The following NR3C1 variants were observed in gnomAD, a reference collection of about 807,000 sequenced individuals.
NR3C1 encodes nuclear receptor subfamily 3 group C member 1, also known as glucocorticoid receptor.
In NR3C1, 14 loss-of-function variants were observed where a neutral mutation model predicts 74.0. The observed-to-expected ratio is 0.19, with a 90% CI of 0.12 to 0.30. The LOEUF is 0.30. NR3C1 is among the 10% of genes least tolerant of loss of function. The pLI, the probability that NR3C1 is intolerant of heterozygous loss-of-function variation, is 1.00. For missense variants in NR3C1, 695 were observed against 909.8 expected, an observed-to-expected ratio of 0.76 and a Z score of 3.04; for synonymous variants, 308 against 332.5, an observed-to-expected ratio of 0.93 and a Z score of 0.80.
At chr5:143,290,511 AT>A (rs1285832449) in intron 7 of NR3C1, among the ~76,000 whole-genome samples, 1 of 152,226 alleles carries the variant, frequency 6.6e-6, no homozygotes, top group Non-Finnish European at 1.5e-5. Flanking sequence ...TTTAAATAGC[AT>A]AAATTTGGAT....
chr5:143,400,751 T>G lies in NR3C1; in HGVS notation c.89A>C (p.Tyr30Ser). 6.2e-7 allele frequency: 1 copy of G among 1,614,210 alleles called. No homozygotes were observed. The highest frequency in any genetic ancestry group is 1.1e-5 in the South Asian group (1 of 91,088). ...AQERGDVMDF[Y>S]KTLRGGATVK... ...AGTAGCTCCTCCTCTTAGGGTTTTA[T>G]AGAAGTCCATCACATCTCCCCTCTC... The change falls in exon 2 of 9, where the codon TAT (tyrosine) becomes TCT (serine). Residue 30 changes from tyrosine to serine, a missense_variant. This residue lies in a region of NR3C1 where 497 missense variants were observed against 489.5 expected (regional missense o/e 1.02). Transcript: ENST00000394464.
At chr5:143,283,449 A>ATTCTGC in intron 7 of NR3C1, among the ~76,000 whole-genome samples, 1 of 152,338 alleles carries the variant, frequency 6.6e-6, no homozygotes, top group East Asian at 1.9e-4. Flanking sequence ...ATTTTTAGTT[A>ATTCTGC]ACTTTGTCTG....
Position 143,278,966 on chromosome 5 carries a change from C to T in NR3C1, c.*2923G>A, listed in dbSNP as rs537440931. The stretch of plus-strand genomic sequence containing the variant: ...TATATATACCCCAAAAGTGTTATGT[C>T]CTAAGTGCCTCAGTTCTGCTTGTAT... On this transcript the variant is annotated 3_prime_UTR_variant, in exon 9 of 9. Coordinates refer to ENST00000394464, the MANE Select transcript of NR3C1 (RefSeq NM_000176.3). The T allele has an allele frequency of 5.2e-6, 1 of 192,514 alleles. No individual in the cohort carries two copies. Among genetic ancestry groups the T allele is most frequent in the East Asian group, 1.8e-4 (1 of 5,564 alleles). 11.9% of individuals were successfully genotyped at this position (192,514 alleles called of 1,614,324 possible). A position where few individuals can be genotyped will look rare whatever the true frequency, so the allele number is the denominator to read the frequency against.
intron 2 of NR3C1, among the ~76,000 whole-genome samples, chr5:143,342,015 G>A (rs973171830): frequency 6.6e-6 from 1 of 152,002 alleles, no homozygotes; most frequent in East Asian, 1.9e-4. Context: ...CTGTTCCACT[G>A]ATGCCATGTT....
intron 2 of NR3C1, among the ~76,000 whole-genome samples, chr5:143,396,741 A>G (rs1839264722): frequency 6.6e-6 from 1 of 151,808 alleles, no homozygotes; most frequent in Non-Finnish European, 1.5e-5. Flanking sequence ...ATCCTACATC[A>G]TTCATTCTCT....
rs1813107779 is a variant in NR3C1, at chr5:143,281,592, A to C, written c.*297T>G. 2 of 326,616 alleles carry C rather than the reference A, an allele frequency of 6.1e-6. No individual in the cohort carries two copies. Among genetic ancestry groups the C allele is most frequent in the African/African-American group, 2.2e-5 (1 of 46,424 alleles). 20.2% of individuals were successfully genotyped at this position (326,616 alleles called of 1,614,324 possible). A position where few individuals can be genotyped will look rare whatever the true frequency, so the allele number is the denominator to read the frequency against. ...TTTGGGCACTGGTGGTTTAGGTGCC[A>C]TCCTTCTTTGACTGTGGAGATTACG... On this transcript the variant is annotated 3_prime_UTR_variant, in exon 9 of 9. Coordinates refer to ENST00000394464, the MANE Select transcript of NR3C1 (RefSeq NM_000176.3).
intron 7 of NR3C1, among the ~76,000 whole-genome samples, chr5:143,287,961 C>T (rs967876213): frequency 6.6e-6 from 1 of 152,092 alleles, no homozygotes; most frequent in Non-Finnish European, 1.5e-5. Flanking sequence ...ACTATATGGC[C>T]TACAAAGACA....
chr5:143,410,792 T>C (rs1469276895), intron 1 of NR3C1, among the ~76,000 whole-genome samples: 2 of 152,128 alleles, frequency 1.3e-5, no homozygotes, highest in African/African-American at 4.8e-5. Flanking sequence ...AAAATGAAAA[T>C]TATCATTGTC....
chr5:143,304,680 A>C (rs1343811467), intron 4 of NR3C1, among the ~76,000 whole-genome samples: 1 of 152,166 alleles, frequency 6.6e-6, no homozygotes, highest in African/African-American at 2.4e-5. Context: ...ATAGTAACCG[A>C]AACAGCATGG....
At position 143,278,620 on chromosome 5, in the gene NR3C1, A is replaced by G. The variant is rs1053689207; in HGVS notation, c.*3269T>C. The G allele has an allele frequency of 6.6e-6, 1 of 152,258 alleles. No homozygotes were observed. Among genetic ancestry groups the G allele is most frequent in the Non-Finnish European group, 1.5e-5 (1 of 68,076 alleles). 9.4% of individuals were successfully genotyped at this position (152,258 alleles called of 1,614,324 possible). A position where few individuals can be genotyped will look rare whatever the true frequency, so the allele number is the denominator to read the frequency against. ...AACACATTCACCTACAGCTACAGTC[A>G]GGGAGTGACCAGCCAAGATGGAAAT... On this transcript the variant is annotated 3_prime_UTR_variant, in exon 9 of 9. Coordinates refer to ENST00000394464, the MANE Select transcript of NR3C1 (RefSeq NM_000176.3).
At chr5:143,394,721 G>A (rs1838879962) in intron 2 of NR3C1, among the ~76,000 whole-genome samples, 1 of 151,948 alleles carries the variant, frequency 6.6e-6, no homozygotes, top group Non-Finnish European at 1.5e-5. Flanking sequence ...GCCATGGTCA[G>A]TTTTAGATTT....
chr5:143,422,096 T>C (rs1751266257), intron 1 of NR3C1, among the ~76,000 whole-genome samples: 1 of 152,194 alleles, frequency 6.6e-6, no homozygotes. Flanking sequence ...AGTTTTCTCT[T>C]ACTTTCCCTG....
chr5:143,323,481 C>G (rs1164667860), intron 2 of NR3C1, among the ~76,000 whole-genome samples: 1 of 152,124 alleles, frequency 6.6e-6, no homozygotes, highest in Admixed American at 6.5e-5. Context: ...ACCCCCACCC[C>G]CGGGTCCCTC....
intron 1 of NR3C1, chr5:143,402,885 G>C (rs1840599880): frequency 1.0e-6 from 1 of 964,044 alleles, no homozygotes; most frequent in Non-Finnish European, 1.2e-6. Context: ...GGACACTAGG[G>C]GGAGAAAAGA....
intron 2 of NR3C1, among the ~76,000 whole-genome samples, chr5:143,392,191 T>C (rs2151917940): frequency 6.6e-6 from 1 of 152,276 alleles, no homozygotes; most frequent in South Asian, 2.1e-4. Flanking sequence ...GGTCTCAATC[T>C]CCTGACCTCA....
rs745463718 is a variant in NR3C1, at chr5:143,400,690, G to A, written c.150C>T (p.Val50=). The A allele has an allele frequency of 3.1e-6, 5 of 1,614,048 alleles. No individual in the cohort carries two copies. Among genetic ancestry groups the A allele is most frequent in the East Asian group, 4.5e-5 (2 of 44,884 alleles). Residue 50 remains valine (V), a synonymous_variant, in exon 2 of 9, where the codon GTC becomes GTT. Coordinates refer to ENST00000394464, the MANE Select transcript of NR3C1 (RefSeq NM_000176.3). ...KVSASSPSLA[V]ASQSDSKQRR... is the part of the protein sequence containing the mutation. ...GCTGCTTGGAGTCTGATTGAGAAGC[G>A]ACAGCCAGTGAGGGTGAAGACGCAG...
chr5:143,396,549 T>A (rs1236319045), intron 2 of NR3C1, among the ~76,000 whole-genome samples: 4 of 151,984 alleles, frequency 2.6e-5, no homozygotes, highest in South Asian at 4.1e-4. Context: ...CAACATGATG[T>A]TAGCAGAATT....
At chr5:143,419,702 T>C (rs2151958883) in intron 1 of NR3C1, among the ~76,000 whole-genome samples, 1 of 152,102 alleles carries the variant, frequency 6.6e-6, no homozygotes, top group South Asian at 2.1e-4. Flanking sequence ...ACAAGGCAAA[T>C]GGAGGCAGGG....
chr5:143,310,297 G>A (rs1198732968), intron 3 of NR3C1, 84 bp from the exon 4 acceptor site: 3 of 986,660 alleles, frequency 3.0e-6, no homozygotes, highest in African/African-American at 1.6e-5. Context: ...TGTTTCCGGT[G>A]GAATATAACC....
Sources: allele counts gnomAD v4.1 joint callset (sites outside exome capture counted in the v4.1 genomes callset), GRCh38; gene constraint gnomAD v4.1.1; regional missense constraint gnomAD v4.1.1; transcripts MANE v1.5; gene names NCBI Gene and HGNC (gene_info 2026-07-23, HGNC 2026-07-21).